ADAMTSL1: variants seen among roughly 807,000 people sequenced by gnomAD.
The protein encoded by ADAMTSL1 is ADAMTS like 1.
A neutral mutation model predicts 201.8 loss-of-function variants in ADAMTSL1; 126 were observed. The ratio of observed to expected loss-of-function variants is 0.62; its 90% CI spans 0.54 to 0.72. ADAMTSL1 has a LOEUF of 0.72. ADAMTSL1 is among the 30% of genes least tolerant of loss of function. ADAMTSL1 has a pLI of 0.00. For synonymous variants in ADAMTSL1, 1,121 were observed against 903.4 expected (o/e 1.24, Z -4.32); for missense variants, 2,679 against 2,277.8 (o/e 1.18, Z -3.59).
rs770671430 is a variant in ADAMTSL1, at chr9:18,680,297, C to T, written c.1137-15C>T. On this transcript the variant is annotated splice_polypyrimidine_tract_variant and intron_variant, in intron 10 of 28. Coordinates refer to ENST00000380548, the MANE Select transcript of ADAMTSL1 (RefSeq NM_001040272.6). ...ATGTGCATGTCTGCCCTGATGACTC[C>T]CCTTGCTTCTGTAGGTGGGAGGCCA... 3.0e-5 allele frequency: 49 copies of T among 1,612,916 alleles called. No individual in the cohort carries two copies. The highest frequency in any genetic ancestry group is 1.3e-4 in the Admixed American group (8 of 59,864).
At chr9:18,664,535 T>G (rs1232692945) in intron 9 of ADAMTSL1, among the ~76,000 whole-genome samples, 3 of 152,092 alleles carry the variant, frequency 2.0e-5, no homozygotes, top group African/African-American at 4.8e-5. Context: ...CAAAAGAAAT[T>G]TATTATATCT....
At chr9:18,643,446 C>A (rs185484316) in intron 7 of ADAMTSL1, among the ~76,000 whole-genome samples, 1 of 151,822 alleles carries the variant, frequency 6.6e-6, no homozygotes, top group South Asian at 2.1e-4. Context: ...TCTATTTTTG[C>A]TTTTGTTGCC....
intron 1 of ADAMTSL1, among the ~76,000 whole-genome samples, chr9:17,930,434 A>G (rs1826732340): frequency 6.6e-6 from 1 of 152,114 alleles, no homozygotes; most frequent in Non-Finnish European, 1.5e-5. Flanking sequence ...CAAATCTGGT[A>G]GGGTTCCATT....
chr9:18,481,211 T>C (rs1463973601), intron 1 of ADAMTSL1, among the ~76,000 whole-genome samples: 1 of 152,222 alleles, frequency 6.6e-6, no homozygotes, highest in Non-Finnish European at 1.5e-5. Flanking sequence ...AAACAATCTT[T>C]AACACATTTT....
At chr9:18,007,335 C>G (rs991920413) in intron 1 of ADAMTSL1, among the ~76,000 whole-genome samples, 6 of 151,962 alleles carry the variant, frequency 3.9e-5, no homozygotes, top group Non-Finnish European at 2.9e-5. Context: ...TTGATATTTG[C>G]TTATGTCAGA....
chr9:18,890,263 ATC>A (rs1272019894), intron 25 of ADAMTSL1, among the ~76,000 whole-genome samples: 1 of 152,200 alleles, frequency 6.6e-6, no homozygotes, highest in Non-Finnish European at 1.5e-5. Context: ...GTTGGAATAA[ATC>A]TCTGTTTCTG....
intron 2 of ADAMTSL1, among the ~76,000 whole-genome samples, chr9:18,446,345 C>T (rs1474301598): frequency 1.8e-4 from 27 of 152,136 alleles, no homozygotes; most frequent in Non-Finnish European, 1.5e-5. Flanking sequence ...TGCTGGTATA[C>T]TTGGTTTTCT....
At chr9:18,750,239 C>T (rs985457381) in intron 15 of ADAMTSL1, among the ~76,000 whole-genome samples, 1 of 152,094 alleles carries the variant, frequency 6.6e-6, no homozygotes, top group Non-Finnish European at 1.5e-5. Context: ...AGATCCAGCC[C>T]CTAGATCTAG....
At chr9:18,115,194 T>C (rs766261607) in intron 1 of ADAMTSL1, among the ~76,000 whole-genome samples, 3 of 152,180 alleles carry the variant, frequency 2.0e-5, no homozygotes, top group Non-Finnish European at 4.4e-5. Flanking sequence ...TTTGAGTTAT[T>C]CACGAAATCC....
At chr9:18,372,064 T>G (rs987143398) in intron 2 of ADAMTSL1, among the ~76,000 whole-genome samples, 4 of 152,190 alleles carry the variant, frequency 2.6e-5, no homozygotes, top group Non-Finnish European at 5.9e-5. Context: ...ACAAAGAGAC[T>G]TGAAAGTCAA....
chr9:17,943,856 T>TC (rs1429019985), intron 1 of ADAMTSL1, among the ~76,000 whole-genome samples: 2 of 152,034 alleles, frequency 1.3e-5, no homozygotes, highest in African/African-American at 4.8e-5. Flanking sequence ...CTGGTTGGCT[T>TC]CTGGGGAGGC....
intron 2 of ADAMTSL1, among the ~76,000 whole-genome samples, chr9:18,237,571 C>T (rs146873488): frequency 2.0e-4 from 31 of 152,286 alleles, no homozygotes; most frequent in East Asian, 7.7e-4. Flanking sequence ...AAATCTACAA[C>T]GTCCTGTTAT....
intron 23 of ADAMTSL1, among the ~76,000 whole-genome samples, chr9:18,835,854 G>T (rs1825279218): frequency 6.6e-6 from 1 of 152,088 alleles, no homozygotes; most frequent in Non-Finnish European, 1.5e-5. Context: ...CTTTATGGCT[G>T]CATAGTATCC....
intron 1 of ADAMTSL1, among the ~76,000 whole-genome samples, chr9:17,940,509 C>T (rs1412734659): frequency 6.6e-6 from 1 of 151,576 alleles, no homozygotes; most frequent in African/African-American, 2.4e-5. Context: ...GAAGAAAAAC[C>T]AATTTAGGGT....
chr9:18,749,858 A>G (rs1308302325), intron 15 of ADAMTSL1, among the ~76,000 whole-genome samples: 3 of 152,184 alleles, frequency 2.0e-5, no homozygotes, highest in Non-Finnish European at 4.4e-5. Context: ...GCAGGCAGAT[A>G]TGTCTGTTTT....
intron 2 of ADAMTSL1, among the ~76,000 whole-genome samples, chr9:18,399,944 A>C (rs1320212478): frequency 1.3e-5 from 2 of 152,042 alleles, no homozygotes; most frequent in African/African-American, 4.8e-5. Flanking sequence ...CCACAATAAC[A>C]ACAACAACAA....
chr9:18,734,804 C>T (rs112065993), intron 15 of ADAMTSL1, among the ~76,000 whole-genome samples: 104 of 152,206 alleles, frequency 6.8e-4, no homozygotes, highest in African/African-American at 2.4e-3. Context: ...TAGATATTCC[C>T]CCAGAGTCCC....
intron 1 of ADAMTSL1, among the ~76,000 whole-genome samples, chr9:18,129,605 T>C (rs374806604): frequency 6.6e-6 from 1 of 152,270 alleles, no homozygotes; most frequent in African/African-American, 2.4e-5. Flanking sequence ...TAAGAAGAGA[T>C]AGGCTTTGTA....
At chr9:18,469,818 T>A (rs1821138903), upstream of ADAMTSL1, among the ~76,000 whole-genome samples, 2 of 152,208 alleles carry the variant, frequency 1.3e-5, no homozygotes, top group South Asian at 4.1e-4. Flanking sequence ...CGAATTTTTG[T>A]AGTACTTCAG....
Sources: allele counts gnomAD v4.1 joint callset (sites outside exome capture counted in the v4.1 genomes callset), GRCh38; gene constraint gnomAD v4.1.1; transcripts MANE v1.5; gene names NCBI Gene and HGNC (gene_info 2026-07-23, HGNC 2026-07-21).